CCDC83: variants seen among roughly 807,000 people sequenced by gnomAD.
CCDC83 encodes coiled-coil domain containing 83, also known as coiled-coil domain-containing protein 83.
In CCDC83, 54 loss-of-function variants were observed where a neutral mutation model predicts 50.1. That is an observed-to-expected ratio of 1.08 (90% confidence interval 0.87 to 1.35). The LOEUF (loss-of-function observed/expected upper bound fraction) is 1.35. Among genes scored for constraint, CCDC83 ranks in the 40% most tolerant of loss-of-function variants. The pLI, the probability that CCDC83 is intolerant of heterozygous loss-of-function variation, is 0.00. For synonymous variants in CCDC83, 161 were observed against 153.3 expected (o/e 1.05, Z -0.37); for missense variants, 518 against 473.9 (o/e 1.09, Z -0.86).
intron 9 of CCDC83, 47 bp downstream of exon 9, chr11:85,915,545 T>A: frequency 1.4e-6 from 2 of 1,393,974 alleles, no homozygotes; most frequent in Non-Finnish European, 1.0e-6. Flanking sequence ...CAAACTCTTG[T>A]TTTTCAATTT....
chr11:85,919,768 T>C lies in CCDC83; in HGVS notation c.*258T>C, dbSNP rs1247464904. On this transcript the variant is annotated 3_prime_UTR_variant, in exon 11 of 11. Transcript: ENST00000342404. ...ATGACAGTGGGTTCAAGGTAGTCTC[T>C]GAGGTTCCTTTTCACACACAAAAAA... The C allele has an allele frequency of 2.9e-6, 1 of 339,822 alleles. No homozygotes were observed. The highest frequency in any genetic ancestry group is 5.3e-6 in the Non-Finnish European group (1 of 189,476). 21.1% of individuals were successfully genotyped at this position (339,822 alleles called of 1,614,324 possible).
chr11:85,889,998 A>C (rs1411267744), intron 5 of CCDC83, among the ~76,000 whole-genome samples: 1 of 152,174 alleles, frequency 6.6e-6, no homozygotes, highest in Non-Finnish European at 1.5e-5. Context: ...AAAGGTTGTT[A>C]GAAATTAGGG....
intron 6 of CCDC83, 32 bp from the exon 7 acceptor site, chr11:85,898,915 A>G: frequency 6.7e-7 from 1 of 1,485,060 alleles, no homozygotes; most frequent in Non-Finnish European, 9.4e-7. Flanking sequence ...AGCATGTGGC[A>G]ACTCTTCCTT....
At chr11:85,878,014 T>A (rs917243305) in intron 3 of CCDC83, among the ~76,000 whole-genome samples, 1 of 152,200 alleles carries the variant, frequency 6.6e-6, no homozygotes, top group Non-Finnish European at 1.5e-5. Flanking sequence ...TGAATCTATT[T>A]CATTTCAGAA....
intron 3 of CCDC83, among the ~76,000 whole-genome samples, chr11:85,882,135 A>AT (rs777564338): frequency 0.035 from 4,016 of 113,694 alleles, 55 homozygotes; most frequent in Middle Eastern, 0.045. Context: ...TAAAAAAACA[A>AT]AAATAATAAT....
intron 2 of CCDC83, 88 bp downstream of exon 2, chr11:85,865,306 A>T: frequency 1.2e-6 from 1 of 803,306 alleles, no homozygotes; most frequent in African/African-American, 1.7e-5. Context: ...CAAACAATAC[A>T]TGCAGCAGCT....
At chr11:85,911,189 A>AAG in intron 7 of CCDC83, 92 bp from the exon 8 acceptor site, 1 of 1,122,744 alleles carries the variant, frequency 8.9e-7, no homozygotes, top group African/African-American at 1.7e-5. Context: ...AAAAAAAAAA[A>AAG]AAAGAAAGAA....
Position 85,886,405 on chromosome 11 carries a change from A to C in CCDC83, c.511+38A>C, listed in dbSNP as rs202159559. On this transcript the variant is annotated intron_variant, in intron 5 of 10. Coordinates refer to ENST00000342404, the MANE Select transcript of CCDC83 (RefSeq NM_001286159.2). ...AAAACTAGTTCAAGTTCAGTAAAAA[A>C]CATCTTTAGTAGGGCATACATTGAT... 3.3e-5 allele frequency: 51 copies of C among 1,529,768 alleles called. No homozygotes were observed. In the East Asian group the frequency reaches 1.1e-3, roughly 32 times the overall value. The allele number at this position is 1,529,768 out of a possible 1,614,324, so 94.8% of individuals were successfully genotyped here. A position where few individuals can be genotyped will look rare whatever the true frequency, so the allele number is the denominator to read the frequency against.
chr11:85,868,279 T>C (rs2093218973), intron 2 of CCDC83, among the ~76,000 whole-genome samples: 1 of 152,204 alleles, frequency 6.6e-6, no homozygotes, highest in Non-Finnish European at 1.5e-5. Flanking sequence ...ACAATAAGTA[T>C]GGATATAGAT....
chr11:85,919,570 T>G lies in CCDC83; in HGVS notation c.*60T>G. 7.9e-7 allele frequency: 1 copy of G among 1,269,076 alleles called. No individual in the cohort carries two copies. The allele number at this position is 1,269,076 out of a possible 1,614,324, so 78.6% of individuals were successfully genotyped here. A position where few individuals can be genotyped will look rare whatever the true frequency, so the allele number is the denominator to read the frequency against. On this transcript the variant is annotated 3_prime_UTR_variant, in exon 11 of 11. Transcript: ENST00000342404. Reference sequence around the variant, plus strand: ...TATAAATGTTCTTTGGGAACTGAAGTATATCCGTTGCCCATTTTACTTACA... The same window carrying G: ...TATAAATGTTCTTTGGGAACTGAAGGATATCCGTTGCCCATTTTACTTACA...
At chr11:85,885,580 C>A (rs928707658) in intron 4 of CCDC83, among the ~76,000 whole-genome samples, 32 of 152,292 alleles carry the variant, frequency 2.1e-4, no homozygotes, top group East Asian at 7.7e-4. Context: ...AAGTTTATAT[C>A]CCTGAAATAG....
chr11:85,876,345 C>T (rs149569834), intron 3 of CCDC83, among the ~76,000 whole-genome samples: 84 of 152,132 alleles, frequency 5.5e-4, no homozygotes, highest in Non-Finnish European at 4.4e-4. Context: ...TATGTACAAA[C>T]GGAAATGAAT....
chr11:85,866,078 C>G (rs2093205142), intron 2 of CCDC83, among the ~76,000 whole-genome samples: 1 of 152,028 alleles, frequency 6.6e-6, no homozygotes, highest in Non-Finnish European at 1.5e-5. Flanking sequence ...GAGCTGGAGA[C>G]AAAACCATGG....
intron 7 of CCDC83, among the ~76,000 whole-genome samples, chr11:85,910,901 G>A (rs1358344639): frequency 6.6e-6 from 1 of 152,148 alleles, no homozygotes; most frequent in Non-Finnish European, 1.5e-5. Flanking sequence ...GCCAGTCATG[G>A]TGGCTCACAC....
chr11:85,867,380 A>C (rs984408836), intron 2 of CCDC83, among the ~76,000 whole-genome samples: 3 of 152,232 alleles, frequency 2.0e-5, no homozygotes, highest in Admixed American at 6.5e-5. Flanking sequence ...TATTTTAAAA[A>C]ATGTACCATA....
intron 3 of CCDC83, among the ~76,000 whole-genome samples, chr11:85,878,533 C>T (rs1042688213): frequency 1.3e-5 from 2 of 152,214 alleles, no homozygotes; most frequent in African/African-American, 4.8e-5. Flanking sequence ...CTTTGTATTG[C>T]TGACTAGCAG....
intron 2 of CCDC83, 81 bp from the exon 3 acceptor site, chr11:85,873,130 T>C: frequency 1.6e-6 from 1 of 634,684 alleles, no homozygotes; most frequent in Non-Finnish European, 2.6e-6. Flanking sequence ...CATTTAATAA[T>C]TCACTTCAAA....
intron 7 of CCDC83, among the ~76,000 whole-genome samples, chr11:85,908,253 G>A (rs1451794880): frequency 6.6e-6 from 1 of 152,014 alleles, no homozygotes; most frequent in Admixed American, 6.6e-5. Context: ...CTCTCTTGAG[G>A]GAAGGAGCCA....
At chr11:85,862,895 C>T (rs1487622973) in intron 1 of CCDC83, among the ~76,000 whole-genome samples, 1 of 152,206 alleles carries the variant, frequency 6.6e-6, no homozygotes, top group Non-Finnish European at 1.5e-5. Flanking sequence ...AACAATGAAT[C>T]TTAATAGAGT....
Sources: allele counts gnomAD v4.1 joint callset (sites outside exome capture counted in the v4.1 genomes callset), GRCh38; gene constraint gnomAD v4.1.1; transcripts MANE v1.5; gene names NCBI Gene and HGNC (gene_info 2026-07-23, HGNC 2026-07-21).